The following C13orf42 variants were observed in gnomAD, a reference collection of about 807,000 sequenced individuals.
C13orf42 encodes the protein uncharacterized protein C13orf42.
chr13:51,150,489 G>A (rs927409876), intron 1 of C13orf42, among the ~76,000 whole-genome samples: 4 of 152,150 alleles, frequency 2.6e-5, no homozygotes, highest in African/African-American at 7.2e-5. Context: ...ACACTCCTCC[G>A]TCCTGGTCAC....
chr13:51,110,326 G>A (rs1178608334), intron 1 of C13orf42, among the ~76,000 whole-genome samples: 1 of 152,164 alleles, frequency 6.6e-6, no homozygotes, highest in Non-Finnish European at 1.5e-5. Context: ...CACTGGGAAG[G>A]AATTGATAGA....
At chr13:51,088,901 GT>G (rs1393118420) in intron 1 of C13orf42, among the ~76,000 whole-genome samples, 3 of 152,102 alleles carry the variant, frequency 2.0e-5, no homozygotes, top group Admixed American at 1.3e-4. Flanking sequence ...CAACAATCCC[GT>G]CATGAGTGAC....
chr13:51,145,038 T>C (rs887010185), intron 1 of C13orf42, among the ~76,000 whole-genome samples: 1 of 152,232 alleles, frequency 6.6e-6, no homozygotes, highest in Non-Finnish European at 1.5e-5. Flanking sequence ...ATTCTAGTCT[T>C]GCCTAATGTT....
intron 2 of C13orf42, among the ~76,000 whole-genome samples, 177 bp from the exon 3 acceptor site, chr13:51,085,736 T>C (rs1190617118): frequency 6.6e-6 from 1 of 152,176 alleles, no homozygotes; most frequent in Non-Finnish European, 1.5e-5. Flanking sequence ...AGGAATGCAA[T>C]GGAATATATG....
At chr13:51,158,667 G>A (rs1345160066) in intron 1 of C13orf42, among the ~76,000 whole-genome samples, 1 of 152,198 alleles carries the variant, frequency 6.6e-6, no homozygotes, top group African/African-American at 2.4e-5. Context: ...CACAGACAAG[G>A]CAGCAACTGA....
chr13:51,154,677 T>C (rs1219414580), intron 1 of C13orf42, among the ~76,000 whole-genome samples: 1 of 152,214 alleles, frequency 6.6e-6, no homozygotes, highest in African/African-American at 2.4e-5. Context: ...TGGAACTGGT[T>C]TTCATTTATC....
chr13:51,149,311 TGA>T (rs1953761527), intron 1 of C13orf42, among the ~76,000 whole-genome samples: 1 of 91,882 alleles, frequency 1.1e-5, no homozygotes, highest in African/African-American at 3.5e-5. Flanking sequence ...AGGCTGAAAT[TGA>T]AAAAAAAAAA....
chr13:51,160,066 A>G (rs896321297), intron 1 of C13orf42, among the ~76,000 whole-genome samples: 3 of 152,190 alleles, frequency 2.0e-5, no homozygotes, highest in Non-Finnish European at 4.4e-5. Context: ...CCATGATTCA[A>G]TTACCTCCCC....
intron 1 of C13orf42, among the ~76,000 whole-genome samples, chr13:51,152,888 G>C (rs1953790663): frequency 6.6e-6 from 1 of 152,110 alleles, no homozygotes; most frequent in South Asian, 2.1e-4. Context: ...CCACATGTCT[G>C]CTGGCTGTGG....
At chr13:51,126,137 G>C (rs1009446037) in intron 1 of C13orf42, among the ~76,000 whole-genome samples, 5 of 152,188 alleles carry the variant, frequency 3.3e-5, no homozygotes, top group African/African-American at 1.2e-4. Flanking sequence ...TTGTGGCAAA[G>C]GCATTGCCAC....
At chr13:51,148,816 G>A (rs1223427568) in intron 1 of C13orf42, among the ~76,000 whole-genome samples, 1 of 152,222 alleles carries the variant, frequency 6.6e-6, no homozygotes, top group Non-Finnish European at 1.5e-5. Flanking sequence ...CCCCAGCTGG[G>A]CCCGTATTGA....
In C13orf42 at chr13:51,088,057, ATT is replaced by A. The variant is rs1953148155; in HGVS notation, c.431_432del (p.Lys144IlefsTer7). ...GCCACATCAGCACTGAACTGCGAGTATTTCTTTGGGGTTGCTTTCTGCAAGAG... is the reference window on the plus strand; with the variant it reads ...GCCACATCAGCACTGAACTGCGAGTATCTTTGGGGTTGCTTTCTGCAAGAG... ...PKEIKKATPK[K>X]YSQFSADVAE... On this transcript the variant is annotated frameshift_variant, in exon 2 of 4. Transcript: ENST00000563710. LOFTEE classifies it high-confidence loss of function. The A allele has an allele frequency of 2.5e-6, 1 of 398,686 alleles. No homozygotes were observed. The highest frequency in any genetic ancestry group is 4.4e-6 in the Non-Finnish European group (1 of 226,188). The allele number at this position is 398,686 out of a possible 1,614,324, so 24.7% of individuals were successfully genotyped here. A position where few individuals can be genotyped will look rare whatever the true frequency, so the allele number is the denominator to read the frequency against.
Position 51,110,988 on chromosome 13 carries a change from GTCC to G in C13orf42, c.219_221del (p.Glu73del). ...GGGTGCGCGAATACATCCACGCCCG[GTCC>G]TCCTCCTGCCGCAGGTAGTACAGGC... On this transcript the variant is annotated inframe_deletion, in exon 1 of 4. Coordinates refer to ENST00000563710, the MANE Select transcript of C13orf42 (RefSeq NM_001351589.3). 2.5e-6 allele frequency: 1 copy of G among 398,650 alleles called. No individual in the cohort carries two copies. The highest frequency in any genetic ancestry group is 4.4e-6 in the Non-Finnish European group (1 of 226,098). 24.7% of individuals were successfully genotyped at this position (398,650 alleles called of 1,614,324 possible).
intron 1 of C13orf42, among the ~76,000 whole-genome samples, chr13:51,092,469 A>G (rs1390302064): frequency 6.6e-6 from 1 of 152,166 alleles, no homozygotes; most frequent in East Asian, 1.9e-4. Flanking sequence ...GCACCTGAGA[A>G]AAAAACTTGA....
chr13:51,160,474 A>C (rs552998260), intron 1 of C13orf42, among the ~76,000 whole-genome samples: 7 of 152,228 alleles, frequency 4.6e-5, no homozygotes, highest in Non-Finnish European at 1.0e-4. Flanking sequence ...GCACCATTGC[A>C]CTCCAGCTTG....
At chr13:51,138,383 C>A (rs903337167) in intron 1 of C13orf42, among the ~76,000 whole-genome samples, 2 of 151,900 alleles carry the variant, frequency 1.3e-5, no homozygotes, top group African/African-American at 4.8e-5. Context: ...AACAAAAAAA[C>A]CTAATAACCT....
rs939755852 is a variant in C13orf42 at position 51,105,571 on chromosome 13, T to C, written c.414+5225A>G. Among the ~76,000 whole-genome samples the C allele has an allele frequency of 1.1e-4, 16 of 152,232 alleles. No homozygotes were observed. In the East Asian group the frequency reaches 3.1e-3, roughly 29 times the overall value. On this transcript the variant is annotated intron_variant, in intron 1 of 3. Transcript: ENST00000563710. ...ATCTCACTCCCCTAAGCAATGGGTA[T>C]GGTTCTTCTCAGATCATCAGAATTT...
intron 1 of C13orf42, among the ~76,000 whole-genome samples, chr13:51,117,155 G>A (rs760700710): frequency 2.0e-4 from 31 of 152,226 alleles, no homozygotes; most frequent in Non-Finnish European, 2.5e-4. Flanking sequence ...TAAGGAGGAC[G>A]TCATTGGACA....
intron 1 of C13orf42, among the ~76,000 whole-genome samples, chr13:51,096,148 A>G (rs1365630337): frequency 6.6e-6 from 1 of 152,204 alleles, no homozygotes; most frequent in African/African-American, 2.4e-5. Flanking sequence ...CTAATTTTCC[A>G]GAGAGTTTGT....
Sources: allele counts gnomAD v4.1 joint callset (sites outside exome capture counted in the v4.1 genomes callset), GRCh38; gene constraint gnomAD v4.1.1; transcripts MANE v1.5; gene names NCBI Gene and HGNC (gene_info 2026-07-23, HGNC 2026-07-21).